LARP4: variants seen among roughly 807,000 people sequenced by gnomAD.
The protein encoded by LARP4 is La ribonucleoprotein 4.
Under a neutral mutation model 92.9 loss-of-function variants are expected in LARP4, and 29 were observed. That is an observed-to-expected ratio of 0.31 (90% CI 0.23 to 0.43). The LOEUF is 0.43. Ranked by LOEUF, LARP4 falls within the 20% of genes least tolerant of loss-of-function variation. The pLI is 1.00. For synonymous variants in LARP4, 279 were observed against 284.1 expected (o/e 0.98, Z 0.18); for missense variants, 732 against 860.0 (o/e 0.85, Z 1.86).
chr12:50,459,424 A>AT (rs1302804628), intron 10 of LARP4, among the ~76,000 whole-genome samples: 1 of 152,124 alleles, frequency 6.6e-6, no homozygotes, highest in Non-Finnish European at 1.5e-5. Context: ...AGATTATTGT[A>AT]TGTCTGTATG....
intron 8 of LARP4, among the ~76,000 whole-genome samples, chr12:50,450,337 C>T (rs1197113617): frequency 6.6e-6 from 1 of 152,118 alleles, no homozygotes; most frequent in East Asian, 1.9e-4. Flanking sequence ...CTTTTAAATC[C>T]TTAGGCTACT....
rs1442934457 is a variant in LARP4 at position 50,477,763 on chromosome 12, A to T, written c.*1899A>T. 1.3e-5 allele frequency: 2 copies of T among 152,524 alleles called. No individual in the cohort carries two copies. The highest frequency in any genetic ancestry group is 2.9e-5 in the Non-Finnish European group (2 of 67,942). 9.4% of individuals were successfully genotyped at this position (152,524 alleles called of 1,614,324 possible). Reference sequence around the variant, plus strand: ...TACACACTATTTTTAAAAATTGCCTACTAGGTGAAACATAACAATAAAACT... The same window carrying T: ...TACACACTATTTTTAAAAATTGCCTTCTAGGTGAAACATAACAATAAAACT... On this transcript the variant is annotated 3_prime_UTR_variant, in exon 16 of 16. Coordinates refer to ENST00000398473, the MANE Select transcript of LARP4 (RefSeq NM_052879.5).
intron 1 of LARP4, among the ~76,000 whole-genome samples, chr12:50,419,411 AC>A (rs1947371032): frequency 6.6e-6 from 1 of 152,080 alleles, no homozygotes. Context: ...AAGCACACTG[AC>A]AGTTTTAGCC....
At chr12:50,446,847 A>G (rs530425070) in intron 8 of LARP4, among the ~76,000 whole-genome samples, 1 of 152,194 alleles carries the variant, frequency 6.6e-6, no homozygotes, top group South Asian at 2.1e-4. Flanking sequence ...AGCCATAGTT[A>G]TTTTTTAGGT....
chr12:50,454,162 G>C, intron 9 of LARP4, 152 bp from the exon 10 acceptor site: 1 of 577,518 alleles, frequency 1.7e-6, no homozygotes. Context: ...AGTGGTACTT[G>C]AAGTGAATAT....
intron 1 of LARP4, among the ~76,000 whole-genome samples, chr12:50,424,436 G>A (rs1045716476): frequency 2.7e-5 from 4 of 150,354 alleles, no homozygotes; most frequent in Non-Finnish European, 4.4e-5. Flanking sequence ...TCGGCTCACC[G>A]CAACCACTGT....
chr12:50,461,422 T>C, intron 11 of LARP4, 75 bp downstream of exon 11: 8 of 1,270,496 alleles, frequency 6.3e-6, no homozygotes, highest in African/African-American at 1.5e-5. Context: ...ATGATCTTCA[T>C]AATAATTAAA....
chr12:50,451,055 A>G (rs1191650732), intron 8 of LARP4, among the ~76,000 whole-genome samples: 2 of 152,310 alleles, frequency 1.3e-5, no homozygotes, highest in East Asian at 3.9e-4. Flanking sequence ...AAGTTATTCT[A>G]GTTGGCAAAT....
intron 1 of LARP4, among the ~76,000 whole-genome samples, chr12:50,409,004 G>A (rs1945357645): frequency 6.6e-6 from 1 of 151,904 alleles, no homozygotes; most frequent in African/African-American, 2.4e-5. Context: ...AAATATATTG[G>A]CTGTGGAAAA....
At chr12:50,412,482 C>T (rs1287259341) in intron 1 of LARP4, 7 of 874,680 alleles carry the variant, frequency 8.0e-6, no homozygotes, top group South Asian at 5.3e-5. Context: ...TATGTATGTC[C>T]GAAGAGACGG....
At chr12:50,410,284 G>A (rs1296721001) in intron 1 of LARP4, among the ~76,000 whole-genome samples, 1 of 151,932 alleles carries the variant, frequency 6.6e-6, no homozygotes, top group South Asian at 2.1e-4. Flanking sequence ...ATGTTGGCTA[G>A]GCTGGTTTGA....
rs1265622684 is a variant in LARP4, at chr12:50,477,383, TAGTA to T, written c.*1522_*1525del. ...TTTTCTTTTAAGGGATAGTTTGTAA[TAGTA>T]AGAACTGTCCCATATGTTAGTAAAT... On this transcript the variant is annotated 3_prime_UTR_variant, in exon 16 of 16. Transcript: ENST00000398473. The T allele has an allele frequency of 3.9e-5, 6 of 152,590 alleles. No homozygotes were observed. Among genetic ancestry groups the T allele is most frequent in the African/African-American group, 7.2e-5 (3 of 41,450 alleles). 9.5% of individuals were successfully genotyped at this position (152,590 alleles called of 1,614,324 possible).
At chr12:50,405,707 T>A (rs150985057) in intron 1 of LARP4, among the ~76,000 whole-genome samples, 52 of 152,302 alleles carry the variant, frequency 3.4e-4, no homozygotes, top group Non-Finnish European at 6.6e-4. Flanking sequence ...ATGCAGTGAC[T>A]ACTGAAATTG....
At chr12:50,433,577 A>G (rs555286968) in intron 4 of LARP4, among the ~76,000 whole-genome samples, 30 of 152,036 alleles carry the variant, frequency 2.0e-4, no homozygotes, top group Admixed American at 5.9e-4. Context: ...TTTAGGCTAC[A>G]GCTTTTTAGT....
chr12:50,438,748 G>A (rs1208174241), intron 6 of LARP4, among the ~76,000 whole-genome samples: 1 of 152,152 alleles, frequency 6.6e-6, no homozygotes, highest in Non-Finnish European at 1.5e-5. Context: ...CTTGCTCAAG[G>A]ATACAAGGGC....
At chr12:50,465,441 G>C (rs1472737165) in intron 12 of LARP4, among the ~76,000 whole-genome samples, 1 of 151,998 alleles carries the variant, frequency 6.6e-6, no homozygotes. Flanking sequence ...CATGATGGAG[G>C]ACTAAACATT....
At chr12:50,403,300 C>A (rs1299149857) in intron 1 of LARP4, among the ~76,000 whole-genome samples, 1 of 152,172 alleles carries the variant, frequency 6.6e-6, no homozygotes, top group Non-Finnish European at 1.5e-5. Flanking sequence ...TAGCTTCTAA[C>A]TGAAATCTAA....
At chr12:50,412,503 T>C (rs1946077142) in intron 1 of LARP4, 2 of 715,184 alleles carry the variant, frequency 2.8e-6, no homozygotes, top group Non-Finnish European at 3.4e-6. Context: ...TTTTACCATA[T>C]TTATGGTGAT....
chr12:50,475,515 T>A lies in LARP4; in HGVS notation c.1837-11T>A. On this transcript the variant is annotated splice_polypyrimidine_tract_variant and intron_variant, in intron 15 of 15. Coordinates refer to ENST00000398473, the MANE Select transcript of LARP4 (RefSeq NM_052879.5). ...GTACCATAAATGTTTTTTTTTATCA[T>A]CACTTCAAAGGAACCCCGAAAGTTA... 2 of 1,568,396 alleles carry A rather than the reference T, an allele frequency of 1.3e-6. No individual in the cohort carries two copies. The highest frequency in any genetic ancestry group is 8.6e-7 in the Non-Finnish European group (1 of 1,158,622).
Sources: gnomAD v4.1 joint callset for allele counts (sites outside exome capture counted in the v4.1 genomes callset) on GRCh38, gnomAD v4.1.1 for gene constraint, MANE v1.5 for transcripts, NCBI Gene and HGNC (gene_info 2026-07-23, HGNC 2026-07-21) for gene names.